Variants in TMEM218 observed in about 807,000 individuals in gnomAD.
TMEM218 encodes transmembrane protein 218.
Under a neutral mutation model 10.0 loss-of-function variants are expected in TMEM218, and 8 were observed. The ratio of observed to expected loss-of-function variants is 0.80; its 90% CI spans 0.47 to 1.44. TMEM218 has a LOEUF of 1.44. Among genes scored for constraint, TMEM218 ranks in the 40% most tolerant of loss-of-function variants. The pLI is 0.00. For missense variants in TMEM218, 110 were observed against 140.1 expected (o/e 0.79, Z 1.08); for synonymous variants, 66 against 63.5 (o/e 1.04, Z -0.18).
At chr11:125,106,915 C>A (rs566387271) in intron 1 of TMEM218, among the ~76,000 whole-genome samples, 3 of 152,276 alleles carry the variant, frequency 2.0e-5, no homozygotes, top group Admixed American at 2.0e-4. Flanking sequence ...CTTAAACAAT[C>A]CAAATATCTG....
In TMEM218 at chr11:125,111,570, C is replaced by G. The variant is rs561041800; in HGVS notation, c.-184G>C. 1.9e-4 allele frequency: 29 copies of G among 152,758 alleles called. No homozygotes were observed. The highest frequency in any genetic ancestry group is 6.7e-4 in the African/African-American group (28 of 41,578). 9.5% of individuals were successfully genotyped at this position (152,758 alleles called of 1,614,324 possible). On this transcript the variant is annotated 5_prime_UTR_variant, in exon 1 of 5. Coordinates refer to ENST00000682305, the MANE Select transcript of TMEM218 (RefSeq NM_001258244.2). ...CCCCTTCACCTGGATCCACTCTCCC[C>G]CAGGCTCTACTCACACCTCAGATTC... is the stretch of plus-strand genomic sequence containing the variant.
intron 1 of TMEM218, chr11:125,104,576 A>C (rs1045740388): frequency 3.3e-5 from 5 of 152,232 alleles, no homozygotes; most frequent in Admixed American, 3.3e-4. Context: ...CTGTCTGTCC[A>C]ACTAGAATAG....
At chr11:125,102,492 G>T (rs887132906) in intron 2 of TMEM218, 175 bp from the exon 3 acceptor site, 4 of 1,459,528 alleles carry the variant, frequency 2.7e-6, no homozygotes, top group Non-Finnish European at 3.6e-6. Context: ...TTTCTCTTTG[G>T]TGGGGACTGA....
Position 125,097,520 on chromosome 11 carries a change from A to G in TMEM218, c.*86T>C. 6.7e-7 allele frequency: 1 copy of G among 1,483,390 alleles called. No individual in the cohort carries two copies. Among genetic ancestry groups the G allele is most frequent in the Non-Finnish European group, 9.2e-7 (1 of 1,091,248 alleles). The allele number at this position is 1,483,390 out of a possible 1,614,324, so 91.9% of individuals were successfully genotyped here. ...CTAACCTTAAGGCATGAGGGCTGTC[A>G]AAACAAGGCTCTGAATAGTGCCTTC... On this transcript the variant is annotated 3_prime_UTR_variant, in exon 5 of 5. Coordinates refer to ENST00000682305, the MANE Select transcript of TMEM218 (RefSeq NM_001258244.2).
intron 2 of TMEM218, 73 bp downstream of exon 2, chr11:125,102,661 G>T (rs778932551): frequency 6.2e-6 from 8 of 1,293,596 alleles, no homozygotes; most frequent in Non-Finnish European, 8.1e-6. Flanking sequence ...AAGACACCAG[G>T]GCATGGGAAC....
At chr11:125,101,563 A>G in intron 3 of TMEM218, 5 of 1,383,368 alleles carry the variant, frequency 3.6e-6, no homozygotes, top group Non-Finnish European at 4.8e-6. Flanking sequence ...ACTTCTGCCC[A>G]AAGTCATAAT....
In TMEM218 at chr11:125,102,132, C is replaced by T; in HGVS notation, c.110G>A (p.Arg37Lys). Residue 37 changes from arginine (R) to lysine (K), a missense_variant and splice_region_variant, in exon 3 of 5, where the codon AGG becomes AAG. Coordinates refer to ENST00000682305, the MANE Select transcript of TMEM218 (RefSeq NM_001258244.2). ...VLLSRASGAA[R>K]FSVIFLFFGA... Reference sequence around the variant, plus strand: ...CTCCCAGTTGGACAGAATGCCTTACCTCGCCGCCCCGGAGGCTCTGGACAG... The same window carrying T: ...CTCCCAGTTGGACAGAATGCCTTACTTCGCCGCCCCGGAGGCTCTGGACAG... 2 of 1,549,620 alleles carry T rather than the reference C, an allele frequency of 1.3e-6. No individual in the cohort carries two copies. The highest frequency in any genetic ancestry group is 1.2e-5 in the South Asian group (1 of 82,036).
chr11:125,107,853 G>A (rs1952630683), intron 1 of TMEM218, among the ~76,000 whole-genome samples: 1 of 146,034 alleles, frequency 6.8e-6, no homozygotes, highest in Non-Finnish European at 1.5e-5. Context: ...AGTAAGATTT[G>A]TATAGCTAAA....
chr11:125,101,546 T>A, intron 3 of TMEM218: 1 of 1,448,132 alleles, frequency 6.9e-7, no homozygotes, highest in Non-Finnish European at 9.1e-7. Context: ...GTGTAGTTTT[T>A]ATTTTTACTT....
At chr11:125,107,437 A>G (rs1952475984) in intron 1 of TMEM218, among the ~76,000 whole-genome samples, 2 of 152,056 alleles carry the variant, frequency 1.3e-5, no homozygotes, top group Non-Finnish European at 1.5e-5. Flanking sequence ...CATTGCAAAA[A>G]CCTTTTATGA....
intron 1 of TMEM218, chr11:125,110,549 C>A (rs1953573346): frequency 6.6e-6 from 1 of 152,100 alleles, no homozygotes; most frequent in African/African-American, 2.4e-5. Context: ...GCACAGGTAA[C>A]CTAATGGATT....
At chr11:125,102,531 G>C in intron 2 of TMEM218, 3 of 1,422,894 alleles carry the variant, frequency 2.1e-6, no homozygotes, top group Non-Finnish European at 2.8e-6. Context: ...GCGCTCAGAA[G>C]TTTTTTCTGA....
chr11:125,102,127 C>T lies in TMEM218; in HGVS notation c.110+5G>A. On this transcript the variant is annotated splice_donor_5th_base_variant and intron_variant, in intron 3 of 4. Transcript: ENST00000682305. ...TAGGACTCCCAGTTGGACAGAATGC[C>T]TTACCTCGCCGCCCCGGAGGCTCTG... The T allele has an allele frequency of 6.5e-7, 1 of 1,547,478 alleles. No homozygotes were observed. Among genetic ancestry groups the T allele is most frequent in the Non-Finnish European group, 8.7e-7 (1 of 1,151,898 alleles).
chr11:125,106,953 A>G (rs920014997), intron 1 of TMEM218, among the ~76,000 whole-genome samples: 6 of 152,228 alleles, frequency 3.9e-5, no homozygotes, highest in Admixed American at 2.0e-4. Context: ...GTACTCTACA[A>G]TCTATTCATT....
At chr11:125,102,915 AT>A (rs1201571676) in intron 1 of TMEM218, 106 bp from the exon 2 acceptor site, 4 of 340,254 alleles carry the variant, frequency 1.2e-5, no homozygotes, top group Non-Finnish European at 2.3e-5. Flanking sequence ...TGAGAAAGGT[AT>A]TACTATAGCC....
rs1355388617 is a variant in TMEM218 at position 125,111,584 on chromosome 11, C to T, written c.-198G>A. Reference sequence around the variant, plus strand: ...TCCACTCTCCCCCAGGCTCTACTCACACCTCAGATTCCGGCGCGTTCCAGC... The same window carrying T: ...TCCACTCTCCCCCAGGCTCTACTCATACCTCAGATTCCGGCGCGTTCCAGC... On this transcript the variant is annotated 5_prime_UTR_variant, in exon 1 of 5. In the 5' UTR this introduces an upstream ATG that the reference lacks. Transcript: ENST00000682305. 6.6e-6 allele frequency: 1 copy of T among 152,566 alleles called. No homozygotes were observed. The highest frequency in any genetic ancestry group is 1.5e-5 in the Non-Finnish European group (1 of 68,298). 9.5% of individuals were successfully genotyped at this position (152,566 alleles called of 1,614,324 possible).
chr11:125,102,190 G>A lies in TMEM218; in HGVS notation c.52C>T (p.Leu18Phe), dbSNP rs1356949995. The A allele has an allele frequency of 1.9e-6, 3 of 1,612,026 alleles. No individual in the cohort carries two copies. Among genetic ancestry groups the A allele is most frequent in the East Asian group, 2.2e-5 (1 of 44,790 alleles). ...VGAGVFILAL[L>F]WVAVLLLCVL... ...CACAGCAGCAGCACTGCCACCCAGA[G>A]CAGGGCTAAGATGAACACGCCCGCA... The change falls in exon 3 of 5, where the codon CTC (leucine) becomes TTC (phenylalanine). Residue 18 changes from leucine (L) to phenylalanine (F), a missense_variant. By Grantham distance (22) the Leu-to-Phe change is conservative. Coordinates refer to ENST00000682305, the MANE Select transcript of TMEM218 (RefSeq NM_001258244.2).
At position 125,094,646 on chromosome 11, in the gene TMEM218, CA is replaced by C. The variant is rs3831396; in HGVS notation, c.*2959del. Among the ~76,000 whole-genome samples the C allele has an allele frequency of 0.53, 80,294 of 151,994 alleles. 22,114 individuals are homozygous for C. The highest frequency in any genetic ancestry group is 0.69 in the East Asian group (3,590 of 5,178). ...CTGTTTCTCATCTGTAAAATAATCA[CA>C]GCAGGTTTCTTTACACATTGAGCAA... On this transcript the variant is annotated 3_prime_UTR_variant, in exon 5 of 5. Coordinates refer to ENST00000682305, the MANE Select transcript of TMEM218 (RefSeq NM_001258244.2).
chr11:125,098,283 A>G (rs2276086), intron 4 of TMEM218, among the ~76,000 whole-genome samples: 79,925 of 151,986 alleles, frequency 0.53, 21,855 homozygotes, highest in East Asian at 0.69. Flanking sequence ...AGGGAAAATG[A>G]CCATTTACCT....
Sources: gnomAD v4.1 joint callset for allele counts (sites outside exome capture counted in the v4.1 genomes callset) on GRCh38, gnomAD v4.1.1 for gene constraint, MANE v1.5 for transcripts, NCBI Gene and HGNC (gene_info 2026-07-23, HGNC 2026-07-21) for gene names.